LRP1B: variants seen among roughly 807,000 people sequenced by gnomAD.
LRP1B encodes the protein low-density lipoprotein receptor-related protein 1B.
Under a neutral mutation model 556.6 loss-of-function variants are expected in LRP1B, and 217 were observed. That is an observed-to-expected ratio of 0.39 (90% CI 0.35 to 0.44). LRP1B has a LOEUF of 0.44. Ranked by LOEUF, LRP1B falls within the 20% of genes least tolerant of loss-of-function variation. The probability of loss-of-function intolerance (pLI) is 1.00; values close to 1 mark genes in which losing one functional copy is unlikely to be tolerated. For synonymous variants in LRP1B, 2,047 were observed against 1,865.8 expected, an observed-to-expected ratio of 1.10 and a Z score of -2.50; for missense variants, 5,053 against 5,620.8, an observed-to-expected ratio of 0.90 and a Z score of 3.23.
At chr2:141,273,608 G>C (rs1685171164) in intron 3 of LRP1B, among the ~76,000 whole-genome samples, 1 of 152,104 alleles carries the variant, frequency 6.6e-6, no homozygotes, top group African/African-American at 2.4e-5. Flanking sequence ...CAGTAAAAGA[G>C]TTACAACGAG....
At chr2:141,436,015 G>C (rs1350406122) in intron 3 of LRP1B, among the ~76,000 whole-genome samples, 1 of 152,282 alleles carries the variant, frequency 6.6e-6, no homozygotes, top group Non-Finnish European at 1.5e-5. Flanking sequence ...GGAGCTGAAA[G>C]GGTAGGGAAA....
intron 2 of LRP1B, among the ~76,000 whole-genome samples, chr2:141,786,877 T>C (rs1472850558): frequency 6.6e-6 from 1 of 152,014 alleles, no homozygotes; most frequent in African/African-American, 2.4e-5. Context: ...CCAAATGCCT[T>C]CGCTGCATAC....
intron 1 of LRP1B, among the ~76,000 whole-genome samples, chr2:141,815,476 A>C (rs963696324): frequency 6.6e-6 from 1 of 152,146 alleles, no homozygotes; most frequent in African/African-American, 2.4e-5. Flanking sequence ...GAGGATTGTA[A>C]AATGCACCAA....
chr2:141,448,602 C>T (rs1681287602), intron 3 of LRP1B, among the ~76,000 whole-genome samples: 2 of 152,148 alleles, frequency 1.3e-5, no homozygotes, highest in African/African-American at 4.8e-5. Flanking sequence ...CCGGATTGCA[C>T]CATTCCTTGG....
At chr2:141,079,173 A>G (rs1046534625) in intron 7 of LRP1B, among the ~76,000 whole-genome samples, 1 of 152,194 alleles carries the variant, frequency 6.6e-6, no homozygotes, top group Non-Finnish European at 1.5e-5. Context: ...AACAAAACAA[A>G]CAAACAAACA....
chr2:142,110,641 G>A (rs1384237820), intron 1 of LRP1B, among the ~76,000 whole-genome samples: 2 of 152,054 alleles, frequency 1.3e-5, no homozygotes, highest in Non-Finnish European at 2.9e-5. Flanking sequence ...CTGCAACAAG[G>A]ATCTTTCCTT....
In LRP1B at chr2:142,129,584, T is replaced by TTCTCTCTCTC. The variant is rs56034357; in HGVS notation, c.82+1054_82+1063dup. ...TTGGGATCTGGGTTTCTTTCTCTCT[T>TTCTCTCTCTC]TCTCTCTCTCTCTCTCTCTCTCTCT... On this transcript the variant is annotated intron_variant, in intron 1 of 90. Coordinates refer to ENST00000389484, the MANE Select transcript of LRP1B (RefSeq NM_018557.3). Among the ~76,000 whole-genome samples the TTCTCTCTCTC allele has an allele frequency of 2.1e-4, 28 of 134,824 alleles. No individual in the cohort carries two copies. In the East Asian group the frequency reaches 2.8e-3, roughly 13 times the overall value. 88.4% of individuals were successfully genotyped at this position (134,824 alleles called of 152,430 possible). A position where few individuals can be genotyped will look rare whatever the true frequency, so the allele number is the denominator to read the frequency against.
At chr2:141,703,383 A>T (rs1156480687) in intron 2 of LRP1B, among the ~76,000 whole-genome samples, 1 of 151,906 alleles carries the variant, frequency 6.6e-6, no homozygotes, top group Non-Finnish European at 1.5e-5. Context: ...GCAATGGTTA[A>T]TCTATGGCTC....
intron 3 of LRP1B, among the ~76,000 whole-genome samples, chr2:141,371,625 A>G (rs1212773366): frequency 6.6e-6 from 1 of 151,928 alleles, no homozygotes; most frequent in East Asian, 1.9e-4. Flanking sequence ...TAATTTTTTA[A>G]TATTGTAAAT....
At chr2:140,423,273 T>C (rs1685522604) in intron 66 of LRP1B, among the ~76,000 whole-genome samples, 1 of 152,202 alleles carries the variant, frequency 6.6e-6, no homozygotes, top group African/African-American at 2.4e-5. Context: ...ATACAGCATT[T>C]AGTGCCAACA....
chr2:141,081,289 T>C (rs879386980), intron 7 of LRP1B, among the ~76,000 whole-genome samples: 14 of 152,162 alleles, frequency 9.2e-5, no homozygotes, highest in Non-Finnish European at 1.5e-4. Context: ...CTGGGCTGTA[T>C]CCCCTGTGGA....
intron 57 of LRP1B, 55 bp from the exon 58 acceptor site, chr2:140,487,794 A>AT (rs1443456195): frequency 4.8e-6 from 6 of 1,244,028 alleles, no homozygotes; most frequent in Non-Finnish European, 6.8e-6. Context: ...TAATTATAAA[A>AT]TGTTTTAGGA....
chr2:141,992,747 T>C (rs566859133), intron 1 of LRP1B, among the ~76,000 whole-genome samples: 22 of 152,108 alleles, frequency 1.4e-4, no homozygotes, highest in Non-Finnish European at 2.1e-4. Context: ...GATTCTGGCA[T>C]GATATTTTAG....
chr2:141,803,134 A>G (rs993775582), intron 2 of LRP1B, among the ~76,000 whole-genome samples: 5 of 150,944 alleles, frequency 3.3e-5, no homozygotes, highest in African/African-American at 1.2e-4. Flanking sequence ...TGACTTCTTG[A>G]GTGAAAAGGT....
intron 6 of LRP1B, among the ~76,000 whole-genome samples, chr2:141,201,156 T>C (rs1681997173): frequency 6.6e-6 from 1 of 152,116 alleles, no homozygotes; most frequent in Non-Finnish European, 1.5e-5. Context: ...TGAGTAACAA[T>C]AGTATGAGGG....
At chr2:140,940,233 G>A (rs1046834672) in intron 20 of LRP1B, among the ~76,000 whole-genome samples, 18 of 151,832 alleles carry the variant, frequency 1.2e-4, no homozygotes, top group African/African-American at 3.1e-4. Context: ...ACTTACCTGC[G>A]GAAATAGCTA....
chr2:141,541,639 G>C (rs1685264912), intron 2 of LRP1B, among the ~76,000 whole-genome samples: 1 of 151,994 alleles, frequency 6.6e-6, no homozygotes, highest in African/African-American at 2.4e-5. Context: ...CATGTTGTGA[G>C]TGTTAGAATT....
rs140676263 is a variant in LRP1B, at chr2:141,959,006, T to C, written c.83-148605A>G. Among the ~76,000 whole-genome samples the C allele has an allele frequency of 1.3e-3, 203 of 152,144 alleles. 1 individual carries two copies. Among genetic ancestry groups the C allele is most frequent in the African/African-American group, 4.8e-3 (198 of 41,554 alleles). ...TCAATTTACACCAACAATGGATCAA[T>C]GAGTAAATTAATAAGTAAATTAATC... is the stretch of plus-strand genomic sequence containing the variant. On this transcript the variant is annotated intron_variant, in intron 1 of 90. Transcript: ENST00000389484.
chr2:141,090,282 A>G (rs555607313), intron 7 of LRP1B, among the ~76,000 whole-genome samples: 5 of 152,256 alleles, frequency 3.3e-5, no homozygotes, highest in Non-Finnish European at 7.3e-5. Flanking sequence ...AAAGATTACT[A>G]TGACTAAGTG....
Sources: gnomAD v4.1 joint callset for allele counts (sites outside exome capture counted in the v4.1 genomes callset) on GRCh38, gnomAD v4.1.1 for gene constraint, MANE v1.5 for transcripts, NCBI Gene and HGNC (gene_info 2026-07-23, HGNC 2026-07-21) for gene names.